The following RPH3A variants were observed in gnomAD, a reference collection of about 807,000 sequenced individuals.
The protein encoded by RPH3A is rabphilin-3A.
A neutral mutation model predicts 102.2 loss-of-function variants in RPH3A; 48 were observed. The ratio of observed to expected loss-of-function variants is 0.47; its 90% confidence interval spans 0.37 to 0.60. The LOEUF (loss-of-function observed/expected upper bound fraction) is 0.60, where lower values mean the gene tolerates loss of function less well. Ranked by LOEUF, RPH3A falls within the 20% of genes least tolerant of loss-of-function variation. The pLI is 0.00. For synonymous variants in RPH3A, 310 were observed against 324.3 expected (o/e 0.96, Z 0.47); for missense variants, 781 against 910.1 (o/e 0.86, Z 1.83).
intron 1 of RPH3A, among the ~76,000 whole-genome samples, chr12:112,580,570 A>AT (rs992693737): frequency 6.7e-5 from 10 of 149,848 alleles, no homozygotes; most frequent in South Asian, 4.2e-4. Flanking sequence ...CGCCCGGCTA[A>AT]TTTTTTTTTG....
intron 4 of RPH3A, chr12:112,842,042 T>C (rs1386871956): frequency 1.8e-5 from 8 of 455,954 alleles, no homozygotes; most frequent in African/African-American, 4.0e-5. Context: ...TGATTTCAAA[T>C]GCCAGTCAGT....
chr12:112,768,514 C>G (rs1044189915), intron 1 of RPH3A, among the ~76,000 whole-genome samples: 1 of 152,246 alleles, frequency 6.6e-6, no homozygotes, highest in African/African-American at 2.4e-5. Context: ...TTCCCTCCAC[C>G]TTAAACACAC....
chr12:112,694,434 GC>G (rs2136024478), intron 1 of RPH3A, among the ~76,000 whole-genome samples: 1 of 152,234 alleles, frequency 6.6e-6, no homozygotes, highest in East Asian at 1.9e-4. Flanking sequence ...TAGTCTCAAG[GC>G]CCAAGTGGGA....
chr12:112,868,626 C>G (rs1205618027), intron 8 of RPH3A, 31 bp downstream of exon 8: 3 of 1,604,592 alleles, frequency 1.9e-6, no homozygotes, highest in Non-Finnish European at 2.6e-6. Context: ...CTTTCAGGAC[C>G]AAGGACAGAT....
chr12:112,752,926 C>T (rs768362641), intron 1 of RPH3A, among the ~76,000 whole-genome samples: 3 of 150,574 alleles, frequency 2.0e-5, no homozygotes, highest in Non-Finnish European at 4.4e-5. Context: ...CATTTATTTC[C>T]CCAACCCCTT....
chr12:112,838,905 G>T (rs1181006018), intron 4 of RPH3A, among the ~76,000 whole-genome samples: 2 of 152,148 alleles, frequency 1.3e-5, no homozygotes, highest in African/African-American at 2.4e-5. Flanking sequence ...TGCTGGCCTT[G>T]GTGGGTGGCT....
At position 112,596,351 on chromosome 12, in the gene RPH3A, AGGTCATATGGTCT is replaced by A. The variant is rs149058205; in HGVS notation, c.-140+21033_-140+21045del. 8.1e-3 allele frequency among the ~76,000 whole-genome samples: 1,232 copies of A among 152,300 alleles called. 20 individuals carry two copies. The highest frequency in any genetic ancestry group is 0.028 in the African/African-American group (1,152 of 41,560). On this transcript the variant is annotated intron_variant, in intron 1 of 21. Transcript: ENST00000543106. ...GAGATTGGGTCTCATGATGTTGCCT[AGGTCATATGGTCT>A]CTTTACAATTAACTTTTGTGTATGG... is the stretch of plus-strand genomic sequence containing the variant.
intron 5 of RPH3A, among the ~76,000 whole-genome samples, chr12:112,848,299 G>A (rs1425479746): frequency 4.6e-5 from 7 of 152,182 alleles, no homozygotes; most frequent in Admixed American, 4.6e-4. Flanking sequence ...GGAGGACAGA[G>A]AGTAGGTAAA....
chr12:112,800,919 C>T (rs370058189), intron 2 of RPH3A, among the ~76,000 whole-genome samples: 8 of 152,138 alleles, frequency 5.3e-5, no homozygotes, highest in South Asian at 2.1e-4. Flanking sequence ...GCCCGTTCCA[C>T]GCTAGCTAAA....
At chr12:112,720,797 A>T (rs1454012382) in intron 1 of RPH3A, among the ~76,000 whole-genome samples, 1 of 152,212 alleles carries the variant, frequency 6.6e-6, no homozygotes, top group Non-Finnish European at 1.5e-5. Flanking sequence ...GTCAGAGCAC[A>T]TGGTTGAGCC....
intron 1 of RPH3A, among the ~76,000 whole-genome samples, chr12:112,697,149 A>C (rs2040358504): frequency 6.6e-6 from 1 of 152,142 alleles, no homozygotes; most frequent in South Asian, 2.1e-4. Flanking sequence ...AAGGCAAAGA[A>C]AAAGGCATAC....
At chr12:112,888,934 C>T (rs1018252446) in intron 17 of RPH3A, among the ~76,000 whole-genome samples, 72 of 152,332 alleles carry the variant, frequency 4.7e-4, no homozygotes, top group African/African-American at 1.4e-3. Flanking sequence ...GGTAGCAAGT[C>T]TCCAAGGTCT....
At chr12:112,860,464 A>G (rs963281347) in intron 5 of RPH3A, among the ~76,000 whole-genome samples, 7 of 152,216 alleles carry the variant, frequency 4.6e-5, no homozygotes, top group Non-Finnish European at 1.0e-4. Context: ...TTTGGCGTCC[A>G]GGAGTTAATG....
intron 1 of RPH3A, among the ~76,000 whole-genome samples, chr12:112,672,653 TCTGGTC>T (rs2040142123): frequency 6.6e-6 from 1 of 152,130 alleles, no homozygotes; most frequent in Non-Finnish European, 1.5e-5. Flanking sequence ...TGGGCTTCAG[TCTGGTC>T]CTGGGGGCAT....
chr12:112,821,525 A>G (rs2041779259), intron 2 of RPH3A, among the ~76,000 whole-genome samples: 1 of 151,220 alleles, frequency 6.6e-6, no homozygotes, highest in Non-Finnish European at 1.5e-5. Context: ...GGGCCTTTGC[A>G]TTTACTTTTT....
At chr12:112,816,823 C>T (rs1054225240) in intron 2 of RPH3A, among the ~76,000 whole-genome samples, 1 of 152,146 alleles carries the variant, frequency 6.6e-6, no homozygotes, top group African/African-American at 2.4e-5. Context: ...AACTGGACTC[C>T]CATCTCTTAG....
chr12:112,817,272 T>C (rs1358337723), intron 2 of RPH3A, among the ~76,000 whole-genome samples: 5 of 152,142 alleles, frequency 3.3e-5, no homozygotes, highest in Admixed American at 3.3e-4. Flanking sequence ...CCTCCCTGTC[T>C]TCCATCTACC....
At chr12:112,797,570 C>T (rs1347344034) in intron 2 of RPH3A, among the ~76,000 whole-genome samples, 2 of 152,084 alleles carry the variant, frequency 1.3e-5, no homozygotes, top group Non-Finnish European at 2.9e-5. Context: ...TCACTTTTTG[C>T]TAGGCAGGAC....
At chr12:112,583,126 A>G (rs1290801428) in intron 1 of RPH3A, among the ~76,000 whole-genome samples, 1 of 152,176 alleles carries the variant, frequency 6.6e-6, no homozygotes, top group African/African-American at 2.4e-5. Flanking sequence ...TTAAGTCCTC[A>G]CTTGCCTGCA....
Sources: allele counts gnomAD v4.1 joint callset (sites outside exome capture counted in the v4.1 genomes callset), GRCh38; gene constraint gnomAD v4.1.1; transcripts MANE v1.5; gene names NCBI Gene and HGNC (gene_info 2026-07-23, HGNC 2026-07-21).